The following KCNK2 variants were observed in gnomAD, a reference collection of about 807,000 sequenced individuals.
KCNK2 encodes potassium two pore domain channel subfamily K member 2, also known as potassium channel subfamily K member 2.
Under a neutral mutation model 40.5 loss-of-function variants are expected in KCNK2, and 21 were observed. That is an observed-to-expected ratio of 0.52 (90% CI 0.37 to 0.75). The LOEUF is 0.75. KCNK2 is among the 30% of genes least tolerant of loss of function. The pLI is 0.00. For synonymous variants in KCNK2, 191 were observed against 202.2 expected, an observed-to-expected ratio of 0.94 and a Z score of 0.47; for missense variants, 399 against 531.6, an observed-to-expected ratio of 0.75 and a Z score of 2.45.
chr1:215,166,842 C>T (rs569316939), intron 3 of KCNK2, among the ~76,000 whole-genome samples: 59 of 152,044 alleles, frequency 3.9e-4, no homozygotes, highest in African/African-American at 1.3e-3. Flanking sequence ...TTCAACTACT[C>T]GTAGAAATTG....
chr1:215,160,878 C>G (rs1473594798), intron 3 of KCNK2, among the ~76,000 whole-genome samples: 1 of 152,098 alleles, frequency 6.6e-6, no homozygotes, highest in Non-Finnish European at 1.5e-5. Flanking sequence ...TTCTGTGGCT[C>G]TCTCCTTTGA....
intron 6 of KCNK2, among the ~76,000 whole-genome samples, chr1:215,222,547 CTT>C (rs978918359): frequency 5.9e-5 from 9 of 152,012 alleles, no homozygotes. Context: ...ATTAAGTACT[CTT>C]GTAATTAATC....
At chr1:215,213,503 C>T (rs1274619061) in intron 6 of KCNK2, among the ~76,000 whole-genome samples, 3 of 152,108 alleles carry the variant, frequency 2.0e-5, no homozygotes, top group East Asian at 1.9e-4. Context: ...CCCAGCTACT[C>T]GGGAGACTGA....
At chr1:215,012,334 T>C (rs1188970110) in intron 1 of KCNK2, among the ~76,000 whole-genome samples, 1 of 152,232 alleles carries the variant, frequency 6.6e-6, no homozygotes, top group Non-Finnish European at 1.5e-5. Context: ...TTTTTGTTTT[T>C]GTTTTTATTT....
At chr1:215,118,744 T>A in intron 2 of KCNK2, among the ~76,000 whole-genome samples, 1 of 152,268 alleles carries the variant, frequency 6.6e-6, no homozygotes, top group East Asian at 1.9e-4. Context: ...AAATCTTAAA[T>A]ATCCAATTAA....
chr1:215,041,969 C>T (rs577991294), intron 1 of KCNK2, among the ~76,000 whole-genome samples: 24 of 152,278 alleles, frequency 1.6e-4, no homozygotes, highest in Admixed American at 5.2e-4. Flanking sequence ...AGCAAAGTCA[C>T]GTCTTACATG....
chr1:215,127,094 G>T (rs975987300), intron 3 of KCNK2, among the ~76,000 whole-genome samples: 1 of 152,126 alleles, frequency 6.6e-6, no homozygotes, highest in African/African-American at 2.4e-5. Context: ...TAGAAATTAT[G>T]ACCTTTAGCA....
chr1:215,093,318 A>AAT (rs1659772720), intron 2 of KCNK2, among the ~76,000 whole-genome samples: 1 of 144,774 alleles, frequency 6.9e-6, no homozygotes. Flanking sequence ...AAGAAACATG[A>AAT]ATATATATAC....
chr1:215,116,905 A>G (rs1660969745), intron 2 of KCNK2, among the ~76,000 whole-genome samples: 1 of 151,984 alleles, frequency 6.6e-6, no homozygotes, highest in Non-Finnish European at 1.5e-5. Context: ...TAAGTGTAGT[A>G]TGATTTAAAC....
At chr1:215,118,259 C>A (rs968634489) in intron 2 of KCNK2, among the ~76,000 whole-genome samples, 1 of 152,074 alleles carries the variant, frequency 6.6e-6, no homozygotes, top group African/African-American at 2.4e-5. Context: ...GCATGAGGAT[C>A]CTGTAGCCTT....
intron 2 of KCNK2, among the ~76,000 whole-genome samples, chr1:215,112,082 G>A (rs938067508): frequency 6.6e-6 from 1 of 151,866 alleles, no homozygotes; most frequent in South Asian, 2.1e-4. Flanking sequence ...TTTGTTCTCA[G>A]TGGCTCCCAG....
chr1:215,170,158 T>C (rs1473845163), intron 4 of KCNK2, among the ~76,000 whole-genome samples: 6 of 152,162 alleles, frequency 3.9e-5, no homozygotes, highest in Non-Finnish European at 8.8e-5. Flanking sequence ...GATACCCTTA[T>C]AAAGCCCCTT....
chr1:215,007,177 G>GTATATATATATGTATA (rs1656195407), intron 1 of KCNK2, among the ~76,000 whole-genome samples: 1 of 81,158 alleles, frequency 1.2e-5, no homozygotes, highest in East Asian at 3.4e-4. Flanking sequence ...ATATATGTAT[G>GTATATATATATGTATA]TGTGTGGGTA....
chr1:215,053,175 T>C (rs977120193), intron 1 of KCNK2, among the ~76,000 whole-genome samples: 15 of 152,144 alleles, frequency 9.9e-5, no homozygotes, highest in Non-Finnish European at 2.1e-4. Flanking sequence ...TGGCTTCCAT[T>C]TGTAAAATGC....
At chr1:215,070,408 C>A (rs1170296137) in intron 1 of KCNK2, among the ~76,000 whole-genome samples, 1 of 111,824 alleles carries the variant, frequency 8.9e-6, no homozygotes, top group Non-Finnish European at 1.8e-5. Flanking sequence ...AGAGTGAGAC[C>A]CCGTCTTAAA....
chr1:215,146,821 C>G (rs1363819415), intron 3 of KCNK2, among the ~76,000 whole-genome samples: 1 of 152,170 alleles, frequency 6.6e-6, no homozygotes, highest in Non-Finnish European at 1.5e-5. Context: ...TTCAGTAAAT[C>G]TCACTTTCCA....
intron 1 of KCNK2, among the ~76,000 whole-genome samples, chr1:215,010,097 G>A (rs1656323559): frequency 1.3e-5 from 2 of 152,076 alleles, no homozygotes; most frequent in Non-Finnish European, 2.9e-5. Flanking sequence ...TTGAGGCTTG[G>A]GGCATAGTTA....
chr1:215,091,367 C>T (rs1174515258), intron 2 of KCNK2, among the ~76,000 whole-genome samples: 1 of 152,112 alleles, frequency 6.6e-6, no homozygotes, highest in Non-Finnish European at 1.5e-5. Flanking sequence ...TAGGCCTACT[C>T]CTCCACTTGG....
chr1:215,087,012 A>G (rs7516689), intron 2 of KCNK2, among the ~76,000 whole-genome samples: 114,175 of 152,194 alleles, frequency 0.75, 43,282 homozygotes, highest in Non-Finnish European at 0.77. Flanking sequence ...GTGCCAGTGG[A>G]CATCCATGGG....
Sources: allele counts gnomAD v4.1 joint callset (sites outside exome capture counted in the v4.1 genomes callset), GRCh38; gene constraint gnomAD v4.1.1; transcripts MANE v1.5; gene names NCBI Gene and HGNC (gene_info 2026-07-23, HGNC 2026-07-21).